Variants in SDCCAG8 observed in about 807,000 individuals in gnomAD.
The protein encoded by SDCCAG8 is SHH signaling and ciliogenesis regulator SDCCAG8.
SDCCAG8 carries 74 observed loss-of-function variants against 101.8 expected under a neutral mutation model. That is an observed-to-expected ratio of 0.73 (90% confidence interval 0.60 to 0.88). The LOEUF (loss-of-function observed/expected upper bound fraction) is 0.88. Ranked by LOEUF, SDCCAG8 falls within the 40% of genes least tolerant of loss-of-function variation. SDCCAG8 has a pLI of 0.00. For synonymous variants in SDCCAG8, 281 were observed against 292.9 expected (o/e 0.96, Z 0.41); for missense variants, 787 against 822.6 (o/e 0.96, Z 0.53).
rs2080340605 is a variant in SDCCAG8, at chr1:243,413,582, T to A, written c.1617-2120T>A. Among the ~76,000 whole-genome samples the A allele has an allele frequency of 2.0e-5, 3 of 152,310 alleles. No individual in the cohort carries two copies. In the South Asian group the frequency reaches 6.2e-4, roughly 32 times the overall value. ...GGTGAGATTGACAACCCCTTTACATTGGGGAACTGTAAGTACCAGTTTGTG... is the reference window on the plus strand; with the variant it reads ...GGTGAGATTGACAACCCCTTTACATAGGGGAACTGTAAGTACCAGTTTGTG... On this transcript the variant is annotated intron_variant, in intron 13 of 17. Coordinates refer to ENST00000366541, the MANE Select transcript of SDCCAG8 (RefSeq NM_006642.5).
At chr1:243,293,039 A>G (rs2070427072) in intron 5 of SDCCAG8, 52 bp from the exon 6 acceptor site, 10 of 1,603,844 alleles carry the variant, frequency 6.2e-6, no homozygotes, top group Non-Finnish European at 7.7e-6. Context: ...TAAAATATGC[A>G]TGTTTATTTA....
intron 6 of SDCCAG8, among the ~76,000 whole-genome samples, chr1:243,294,704 C>CG (rs34710985): frequency 1.1e-4 from 13 of 123,608 alleles, no homozygotes; most frequent in South Asian, 7.5e-4. Context: ...ATTCCCCCCC[C>CG]CCCCCACAGC....
intron 17 of SDCCAG8, among the ~76,000 whole-genome samples, chr1:243,492,166 G>C (rs1050786669): frequency 4.0e-5 from 6 of 151,848 alleles, no homozygotes; most frequent in African/African-American, 1.2e-4. Flanking sequence ...GGCAGAGGGA[G>C]CCCCTGGTAG....
chr1:243,291,049 G>A (rs755216491), intron 5 of SDCCAG8, among the ~76,000 whole-genome samples: 1 of 152,124 alleles, frequency 6.6e-6, no homozygotes, highest in Non-Finnish European at 1.5e-5. Flanking sequence ...ATATAAAATA[G>A]ACTGTCAGAG....
intron 4 of SDCCAG8, among the ~76,000 whole-genome samples, chr1:243,280,639 G>A (rs1028463817): frequency 6.6e-6 from 1 of 152,016 alleles, no homozygotes; most frequent in Non-Finnish European, 1.5e-5. Flanking sequence ...TTACTTAGTT[G>A]AAAATATTTC....
chr1:243,415,471 T>A (rs2080508087), intron 13 of SDCCAG8, among the ~76,000 whole-genome samples: 1 of 152,214 alleles, frequency 6.6e-6, no homozygotes, highest in South Asian at 2.1e-4. Context: ...GTTGTTATGA[T>A]GTTTTGACAC....
At chr1:243,473,389 G>A (rs1661633337) in intron 16 of SDCCAG8, among the ~76,000 whole-genome samples, 1 of 151,400 alleles carries the variant, frequency 6.6e-6, no homozygotes, top group Non-Finnish European at 1.5e-5. Flanking sequence ...AATGTCTGAT[G>A]TCAGTTTCAT....
intron 4 of SDCCAG8, among the ~76,000 whole-genome samples, chr1:243,281,166 C>T (rs2069001287): frequency 6.6e-6 from 1 of 151,968 alleles, no homozygotes; most frequent in African/African-American, 2.4e-5. Context: ...CTGAAGTCTG[C>T]TTTGTCTAAA....
At chr1:243,433,161 C>T (rs1249092459) in intron 16 of SDCCAG8, among the ~76,000 whole-genome samples, 1 of 151,976 alleles carries the variant, frequency 6.6e-6, no homozygotes, top group Non-Finnish European at 1.5e-5. Context: ...TAACCTGATG[C>T]CAGACTTAGT....
At position 243,372,015 on chromosome 1, in the gene SDCCAG8, A is replaced by G. The variant is rs943383126; in HGVS notation, c.1474-6706A>G. On this transcript the variant is annotated intron_variant, in intron 12 of 17. Transcript: ENST00000366541. ...TTTGACAAAATCAATCTTAACATCT[A>G]TAAGTTAATAAAAGTATGAACTAGT... Among the ~76,000 whole-genome samples, 29 of 152,154 alleles carry G rather than the reference A, an allele frequency of 1.9e-4. 1 individual carries two copies. Among genetic ancestry groups the G allele is most frequent in the Admixed American group, 1.9e-3 (29 of 15,258 alleles).
At chr1:243,361,072 C>T (rs902130270) in intron 12 of SDCCAG8, among the ~76,000 whole-genome samples, 1 of 152,144 alleles carries the variant, frequency 6.6e-6, no homozygotes, top group African/African-American at 2.4e-5. Flanking sequence ...TCTCTTGGAT[C>T]CTCTTTTCAA....
chr1:243,480,081 T>C (rs141317385), intron 16 of SDCCAG8, among the ~76,000 whole-genome samples: 11 of 151,324 alleles, frequency 7.3e-5, no homozygotes, highest in African/African-American at 2.2e-4. Context: ...TCAGCACTCA[T>C]AGGATTAGGA....
At chr1:243,479,878 T>C (rs746863995) in intron 16 of SDCCAG8, among the ~76,000 whole-genome samples, 5 of 152,088 alleles carry the variant, frequency 3.3e-5, no homozygotes, top group Non-Finnish European at 7.3e-5. Flanking sequence ...GTTCTCATGC[T>C]TAAGAATTCA....
chr1:243,364,518 G>A (rs545436880), intron 12 of SDCCAG8, among the ~76,000 whole-genome samples: 143 of 152,260 alleles, frequency 9.4e-4, no homozygotes, highest in African/African-American at 3.3e-3. Flanking sequence ...AGGTAGGTAG[G>A]TAGAGAGAGG....
intron 8 of SDCCAG8, among the ~76,000 whole-genome samples, chr1:243,309,640 G>A (rs1368351919): frequency 1.3e-5 from 2 of 152,068 alleles, no homozygotes; most frequent in South Asian, 2.1e-4. Flanking sequence ...GAGTAACTGC[G>A]GACATGTGCC....
At chr1:243,482,903 T>C (rs1664033054) in intron 16 of SDCCAG8, among the ~76,000 whole-genome samples, 1 of 152,110 alleles carries the variant, frequency 6.6e-6, no homozygotes, top group African/African-American at 2.4e-5. Context: ...CGATTCTGTG[T>C]TTCCTGCCGC....
rs397830130 is a variant in SDCCAG8 at position 243,447,248 on chromosome 1, C to CAAAA, written c.1985+20715_1985+20718dup. On this transcript the variant is annotated intron_variant, in intron 16 of 17. Transcript: ENST00000366541. The stretch of plus-strand genomic sequence containing the variant: ...TGGGTGACAGAACAAGACTTCGTCT[C>CAAAA]AAAAAAAAAAAAAAAAAAAAAAAAA... Among the ~76,000 whole-genome samples the CAAAA allele has an allele frequency of 2.5e-3, 102 of 41,376 alleles. 10 individuals carry two copies. The highest frequency in any genetic ancestry group is 0.012 in the African/African-American group (96 of 7,850). 27.1% of individuals were successfully genotyped at this position (41,376 alleles called of 152,430 possible).
chr1:243,316,748 C>G lies in SDCCAG8; in HGVS notation c.930-7C>G, dbSNP rs2073275539. 1.2e-6 allele frequency: 2 copies of G among 1,613,892 alleles called. No homozygotes were observed. Among genetic ancestry groups the G allele is most frequent in the South Asian group, 2.2e-5 (2 of 91,070 alleles). ...TCTTGTTTTGAATGTTCTTTTTGTG[C>G]TGACAGAGAAAGAGATGACTTGATG... On this transcript the variant is annotated splice_region_variant and splice_polypyrimidine_tract_variant and intron_variant, in intron 8 of 17. Transcript: ENST00000366541.
chr1:243,257,870 A>C lies in SDCCAG8; in HGVS notation c.67+1630A>C, dbSNP rs142876639. ...TAATTGTAATTTTTAAGATTGGCAAAAATTTTTTGTTTTCATTGAAAGTTT... is the reference window on the plus strand; with the variant it reads ...TAATTGTAATTTTTAAGATTGGCAACAATTTTTTGTTTTCATTGAAAGTTT... On this transcript the variant is annotated intron_variant, in intron 1 of 17. Coordinates refer to ENST00000366541, the MANE Select transcript of SDCCAG8 (RefSeq NM_006642.5). 2.3e-4 allele frequency among the ~76,000 whole-genome samples: 35 copies of C among 152,290 alleles called. 1 individual carries two copies. In the East Asian group the frequency reaches 6.7e-3, roughly 29 times the overall value.
Sources: allele counts gnomAD v4.1 joint callset (sites outside exome capture counted in the v4.1 genomes callset), GRCh38; gene constraint gnomAD v4.1.1; transcripts MANE v1.5; gene names NCBI Gene and HGNC (gene_info 2026-07-23, HGNC 2026-07-21).